PBXIP1: variants seen among roughly 807,000 people sequenced by gnomAD.
PBXIP1 encodes PBX homeobox interacting protein 1, also known as pre-B-cell leukemia transcription factor-interacting protein 1.
In PBXIP1, 73 loss-of-function variants were observed where a neutral mutation model predicts 73.7. That is an observed-to-expected ratio of 0.99 (90% CI 0.82 to 1.20). The LOEUF is 1.20. Ranked by LOEUF, PBXIP1 falls within the 50% of genes most tolerant of loss-of-function variation. PBXIP1 has a pLI of 0.00. For synonymous variants in PBXIP1, 330 were observed against 366.9 expected (o/e 0.90, Z 1.15); for missense variants, 818 against 911.4 (o/e 0.90, Z 1.32).
rs903040770 is a variant in PBXIP1, at chr1:154,951,712, C to A, written c.178+83G>T. The A allele has an allele frequency of 6.6e-7, 1 of 1,517,270 alleles. No homozygotes were observed. The allele number at this position is 1,517,270 out of a possible 1,614,324, so 94.0% of individuals were successfully genotyped here. A position where few individuals can be genotyped will look rare whatever the true frequency, so the allele number is the denominator to read the frequency against. ...GGAGGAACTAAAACGAACCAGCCTC[C>A]CTTTCTCTGAGGAAACTGAGAAACC... On this transcript the variant is annotated intron_variant, in intron 3 of 10. Transcript: ENST00000368463. The surrounding 1 kb of genome is among the most constrained non-coding windows in gnomAD (Gnocchi z 4.3).
intron 10 of PBXIP1, 79 bp from the exon 11 acceptor site, chr1:154,945,196 TCCCAA>T: frequency 2.8e-6 from 3 of 1,064,814 alleles, no homozygotes; most frequent in Non-Finnish European, 4.2e-6. Context: ...ACCCTGCTCC[TCCCAA>T]TGAAGCTGAC....
Position 154,946,276 on chromosome 1 carries a change from G to C in PBXIP1, c.1398C>G (p.Phe466Leu), listed in dbSNP as rs1409801691. 1 of 1,614,164 alleles carries C rather than the reference G, an allele frequency of 6.2e-7. No individual in the cohort carries two copies. Among genetic ancestry groups the C allele is most frequent in the Non-Finnish European group, 8.5e-7 (1 of 1,180,032 alleles). The stretch of plus-strand genomic sequence containing the variant: ...TTCCACTCCACTCCCTAGAATTCTG[G>C]AAGTGGGACTTCTGGTGCCAGGCCT... ...ASKAWHQKSH[F>L]QNSREWSGKE... Residue 466 changes from phenylalanine to leucine, a missense_variant, in exon 10 of 11, where the codon TTC (phenylalanine) becomes TTG (leucine). Transcript: ENST00000368463.
At position 154,951,970 on chromosome 1, in the gene PBXIP1, C is replaced by T. The variant is rs1349332567; in HGVS notation, c.52-49G>A. The T allele has an allele frequency of 1.3e-6, 2 of 1,567,018 alleles. No homozygotes were observed. The highest frequency in any genetic ancestry group is 1.7e-6 in the Non-Finnish European group (2 of 1,162,384). ...AGGGCTGCACCCAAGAATGGGGCCC[C>T]AGCCCACATCCCAGAAACACACACA... is the stretch of plus-strand genomic sequence containing the variant. On this transcript the variant is annotated intron_variant, in intron 2 of 10. Coordinates refer to ENST00000368463, the MANE Select transcript of PBXIP1 (RefSeq NM_020524.4). This position sits in a 1 kb window ranked among gnomAD's most constrained non-coding sequence, Gnocchi z 4.3.
At chr1:154,947,816 T>A in intron 7 of PBXIP1, 104 bp from the exon 8 acceptor site, 1 of 1,409,840 alleles carries the variant, frequency 7.1e-7, no homozygotes, top group Non-Finnish European at 1.0e-6. Flanking sequence ...GGACCCACCC[T>A]GTGGCTGAGC....
intron 1 of PBXIP1, among the ~76,000 whole-genome samples, chr1:154,955,718 G>A (rs563922959): frequency 6.6e-6 from 1 of 152,152 alleles, no homozygotes; most frequent in African/African-American, 2.4e-5. Context: ...CATTCAGGCA[G>A]GATTCAACAA....
chr1:154,946,898 A>T lies in PBXIP1; in HGVS notation c.871-95T>A. The T allele has an allele frequency of 2.4e-6, 3 of 1,263,946 alleles. No individual in the cohort carries two copies. The South Asian group carries it at 5.1e-5, about 21-fold the overall frequency. The allele number at this position is 1,263,946 out of a possible 1,614,324, so 78.3% of individuals were successfully genotyped here. A position where few individuals can be genotyped will look rare whatever the true frequency, so the allele number is the denominator to read the frequency against. Reference sequence around the variant, plus strand: ...CCAATTCCATTCTATTATAGTGGGCAGGTGGCCTGAGCCCGTTTTACAGCC... The same window carrying T: ...CCAATTCCATTCTATTATAGTGGGCTGGTGGCCTGAGCCCGTTTTACAGCC... On this transcript the variant is annotated intron_variant, in intron 9 of 10. Coordinates refer to ENST00000368463, the MANE Select transcript of PBXIP1 (RefSeq NM_020524.4).
chr1:154,955,142 C>T (rs1293282533), intron 1 of PBXIP1, among the ~76,000 whole-genome samples: 1 of 152,166 alleles, frequency 6.6e-6, no homozygotes, highest in African/African-American at 2.4e-5. Context: ...CAATGACCTC[C>T]CTGTACCAAA....
chr1:154,949,507 T>A (rs1330769315), intron 5 of PBXIP1, among the ~76,000 whole-genome samples: 2 of 152,080 alleles, frequency 1.3e-5, no homozygotes, highest in Non-Finnish European at 2.9e-5. Flanking sequence ...CCAAATTCCA[T>A]CCTGAGCCTC....
rs763008319 is a variant in PBXIP1 at position 154,951,476 on chromosome 1, C to A, written c.238G>T (p.Val80Phe). ...SGSILTEETE[V>F]KGTLEGDVCG... ...CCCACAGCAAATCTCCTCACCTTGA[C>A]CTCAGTCTCCTCTGTTAGAATGCTG... The change falls in exon 4 of 11, where the codon GTC becomes TTC. Residue 80 changes from valine to phenylalanine, a missense_variant. Transcript: ENST00000368463. This position sits in a 1 kb window ranked among gnomAD's most constrained non-coding sequence, Gnocchi z 4.3. The A allele has an allele frequency of 6.2e-7, 1 of 1,614,118 alleles. No homozygotes were observed. Among genetic ancestry groups the A allele is most frequent in the East Asian group, 2.2e-5 (1 of 44,890 alleles).
chr1:154,945,808 G>A lies in PBXIP1; in HGVS notation c.1866C>T (p.Tyr622=). ...GCCCAGCCCAGGGCAGCCGTGCCAA[G>A]TATGTTCTTAGCAGAGAGGCCAGCT... The part of the protein sequence containing the change: ...QQELASLLRT[Y]LARLPWAGQL... Residue 622 remains tyrosine (Y), a synonymous_variant, in exon 10 of 11, where the codon TAC becomes TAT. Transcript: ENST00000368463. 1.9e-6 allele frequency: 3 copies of A among 1,614,226 alleles called. No homozygotes were observed. Among genetic ancestry groups the A allele is most frequent in the Non-Finnish European group, 2.5e-6 (3 of 1,180,046 alleles).
chr1:154,954,611 T>TTGCAAGC (rs530250852), intron 1 of PBXIP1, among the ~76,000 whole-genome samples: 41 of 152,302 alleles, frequency 2.7e-4, no homozygotes, highest in Non-Finnish European at 5.4e-4. Flanking sequence ...ATACATCACT[T>TTGCAAGC]TATAGCTTGC....
rs371886311 is a variant in PBXIP1, at chr1:154,945,844, C to T, written c.1830G>A (p.Val610=). 5.0e-6 allele frequency: 8 copies of T among 1,614,198 alleles called. No homozygotes were observed. Among genetic ancestry groups the T allele is most frequent in the Non-Finnish European group, 6.8e-6 (8 of 1,180,020 alleles). The change falls in exon 10 of 11, where the codon GTG becomes GTA. Residue 610 remains valine, a synonymous_variant. Transcript: ENST00000368463. ...LTFFGTELAP[V]RQQELASLLR... is the part of the protein sequence containing the mutation. Reference sequence around the variant, plus strand: ...GCAGAGAGGCCAGCTCCTGTTGCCGCACTGGGGCTAGCTCTGTGCCAAAGA... The same window carrying T: ...GCAGAGAGGCCAGCTCCTGTTGCCGTACTGGGGCTAGCTCTGTGCCAAAGA...
Position 154,944,941 on chromosome 1 carries a change from G to A in PBXIP1, c.*83C>T. On this transcript the variant is annotated 3_prime_UTR_variant, in exon 11 of 11. Transcript: ENST00000368463. Reference sequence around the variant, plus strand: ...TATCTGAGGACACCAAACAAGCCAGGACAGAGTCCACCCTCCAGGAGTTAG... The same window carrying A: ...TATCTGAGGACACCAAACAAGCCAGAACAGAGTCCACCCTCCAGGAGTTAG... 1 of 1,144,724 alleles carries A rather than the reference G, an allele frequency of 8.7e-7. No homozygotes were observed. Among genetic ancestry groups the A allele is most frequent in the Non-Finnish European group, 1.3e-6 (1 of 763,552 alleles). The allele number at this position is 1,144,724 out of a possible 1,614,324, so 70.9% of individuals were successfully genotyped here.
intron 7 of PBXIP1, 66 bp from the exon 8 acceptor site, chr1:154,947,778 C>T: frequency 6.5e-7 from 1 of 1,528,296 alleles, no homozygotes; most frequent in Non-Finnish European, 9.0e-7. Flanking sequence ...CCACACCTTC[C>T]CATTCACACA....
intron 2 of PBXIP1, among the ~76,000 whole-genome samples, chr1:154,952,225 C>A (rs1350888205): frequency 6.6e-6 from 1 of 152,194 alleles, no homozygotes; most frequent in South Asian, 2.1e-4. Context: ...TCCTTCCCCA[C>A]AGATGAACAA....
intron 2 of PBXIP1, 100 bp downstream of exon 2, chr1:154,953,571 C>A: frequency 1.4e-6 from 1 of 708,644 alleles, no homozygotes; most frequent in Non-Finnish European, 2.5e-6. Context: ...ATGTAGGTGA[C>A]CATCAGGACT....
Position 154,951,334 on chromosome 1 carries a change from C to T in PBXIP1, c.307G>A (p.Gly103Arg). Residue 103 changes from glycine to arginine, a missense_variant, in exon 5 of 11, where the codon GGA becomes AGA. Transcript: ENST00000368463. The surrounding 1 kb of genome is among the most constrained non-coding windows in gnomAD (Gnocchi z 4.3). ...ACCACGGTGGTCTCCTGCAGGTCTC[C>T]CTGGACTACTGTGTCTCCTGGGCCA... ...PPGPGDTVVQ[G>R]DLQETTVVTG... 1.2e-6 allele frequency: 2 copies of T among 1,614,084 alleles called. No homozygotes were observed. Among genetic ancestry groups the T allele is most frequent in the Non-Finnish European group, 1.7e-6 (2 of 1,179,972 alleles).
At position 154,945,132 on chromosome 1, in the gene PBXIP1, A is replaced by T. The variant is rs1267215754; in HGVS notation, c.2103-15T>A. 3 of 1,590,554 alleles carry T rather than the reference A, an allele frequency of 1.9e-6. No individual in the cohort carries two copies. Among genetic ancestry groups the T allele is most frequent in the Non-Finnish European group, 2.6e-6 (3 of 1,158,648 alleles). ...TCTTCCCTGACCTGTGGGGAGGAAGAGGCCTTTAGGGGACAATACCATGCA... is the reference window on the plus strand; with the variant it reads ...TCTTCCCTGACCTGTGGGGAGGAAGTGGCCTTTAGGGGACAATACCATGCA... On this transcript the variant is annotated splice_polypyrimidine_tract_variant and intron_variant, in intron 10 of 10. Coordinates refer to ENST00000368463, the MANE Select transcript of PBXIP1 (RefSeq NM_020524.4).
Position 154,945,960 on chromosome 1 carries a change from G to C in PBXIP1, c.1714C>G (p.Pro572Ala), listed in dbSNP as rs1350428719. Residue 572 changes from proline to alanine, a missense_variant, in exon 10 of 11, where the codon CCA (proline) becomes GCA (alanine). By Grantham distance (27) the Pro-to-Ala change is conservative (BLOSUM62 -1). Transcript: ENST00000368463. ...GGCCTCAACAGCTCTGCCCAGGATGGCAGGGGGTCATGGCTGTCCTTAGTC... is the reference window on the plus strand; with the variant it reads ...GGCCTCAACAGCTCTGCCCAGGATGCCAGGGGGTCATGGCTGTCCTTAGTC... ...EGTKDSHDPL[P>A]SWAELLRPKY... is the part of the protein sequence containing the mutation. 1.9e-6 allele frequency: 3 copies of C among 1,614,062 alleles called. No individual in the cohort carries two copies. Among genetic ancestry groups the C allele is most frequent in the Non-Finnish European group, 2.5e-6 (3 of 1,179,930 alleles).
Sources: gnomAD v4.1 joint callset for allele counts (sites outside exome capture counted in the v4.1 genomes callset) on GRCh38, gnomAD v4.1.1 for gene constraint, Gnocchi (gnomAD v3.1) non-coding constraint, MANE v1.5 for transcripts, NCBI Gene and HGNC (gene_info 2026-07-23, HGNC 2026-07-21) for gene names.